The following CCDC7 variants were observed in gnomAD, a reference collection of about 807,000 sequenced individuals.
The protein encoded by CCDC7 is coiled-coil domain containing 7, also known as coiled-coil domain-containing protein 7.
In CCDC7, 183 loss-of-function variants were observed where a neutral mutation model predicts 196.9. The observed-to-expected ratio is 0.93, with a 90% CI of 0.82 to 1.05. The LOEUF is 1.05. CCDC7 is among the 50% of genes least tolerant of loss of function. CCDC7 has a pLI of 0.00. For missense variants in CCDC7, 1,540 were observed against 1,482.2 expected (o/e 1.04, Z -0.64); for synonymous variants, 525 against 484.6 (o/e 1.08, Z -1.10).
chr10:32,474,044 G>T, intron 8 of CCDC7, 21 bp downstream of exon 9: 1 of 1,607,134 alleles, frequency 6.2e-7, no homozygotes, highest in Non-Finnish European at 8.5e-7. Flanking sequence ...ACTCATTAAA[G>T]CATTATTGTG....
downstream of CCDC7, among the ~76,000 whole-genome samples, chr10:32,878,612 G>A (rs1164633913): frequency 6.6e-6 from 1 of 152,070 alleles, no homozygotes; most frequent in Non-Finnish European, 1.5e-5. Context: ...GACTTTGGCT[G>A]CCATCAAAGG....
intron 24 of CCDC7, among the ~76,000 whole-genome samples, chr10:32,706,638 A>T (rs1401713631): frequency 1.3e-5 from 2 of 150,952 alleles, no homozygotes; most frequent in East Asian, 1.9e-4. Context: ...TAAAGGGGAT[A>T]CCACCCATTA....
chr10:32,736,947 A>G (rs571323250), intron 28 of CCDC7, among the ~76,000 whole-genome samples: 4 of 152,082 alleles, frequency 2.6e-5, no homozygotes, highest in East Asian at 1.9e-4. Flanking sequence ...CTTATCTTAG[A>G]AAAAAAAGCA....
chr10:32,500,853 C>G (rs190025402), intron 9 of CCDC7, among the ~76,000 whole-genome samples: 1 of 152,166 alleles, frequency 6.6e-6, no homozygotes, highest in Non-Finnish European at 1.5e-5. Context: ...GAGACCAGCC[C>G]GGCCAACACG....
chr10:32,603,528 GT>G (rs34716123), intron 18 of CCDC7, among the ~76,000 whole-genome samples: 6 of 145,694 alleles, frequency 4.1e-5, no homozygotes, highest in African/African-American at 7.5e-5. Flanking sequence ...CCTCTATAAT[GT>G]TTTTTTTAAT....
chr10:32,735,721 T>A (rs1312524688), intron 28 of CCDC7, among the ~76,000 whole-genome samples: 2 of 152,214 alleles, frequency 1.3e-5, no homozygotes, highest in Non-Finnish European at 2.9e-5. Context: ...TGTGCTTTTG[T>A]TGTATCTAAA....
intron 41 of CCDC7, among the ~76,000 whole-genome samples, chr10:32,857,338 G>C (rs1222055171): frequency 6.6e-6 from 1 of 152,182 alleles, no homozygotes; most frequent in East Asian, 1.9e-4. Flanking sequence ...TTTTTTTCTA[G>C]TGCATATGGA....
intron 23 of CCDC7, among the ~76,000 whole-genome samples, chr10:32,693,419 T>C (rs956583629): frequency 6.6e-6 from 1 of 152,198 alleles, no homozygotes; most frequent in Non-Finnish European, 1.5e-5. Flanking sequence ...CATTTCTTCA[T>C]CTTCCTTCCC....
intron 18 of CCDC7, among the ~76,000 whole-genome samples, chr10:32,621,584 T>G (rs1252561243): frequency 6.6e-6 from 1 of 152,132 alleles, no homozygotes; most frequent in African/African-American, 2.4e-5. Context: ...AAGGCCATAG[T>G]GTAATTCAGT....
intron 30 of CCDC7, among the ~76,000 whole-genome samples, chr10:32,810,509 A>G (rs1449358585): frequency 6.6e-6 from 1 of 152,170 alleles, no homozygotes; most frequent in Non-Finnish European, 1.5e-5. Context: ...TGAAGCATCC[A>G]GATATATAAA....
intron 27 of CCDC7, 73 bp from the exon 29 acceptor site, chr10:32,729,259 C>T (rs1448909066): frequency 7.3e-7 from 1 of 1,372,772 alleles, no homozygotes; most frequent in African/African-American, 1.5e-5. Context: ...CATTTTACTT[C>T]CATGGGTTGA....
intron 20 of CCDC7, among the ~76,000 whole-genome samples, chr10:32,642,197 G>A (rs937655063): frequency 5.3e-5 from 8 of 152,306 alleles, no homozygotes; most frequent in Middle Eastern, 3.4e-3. Flanking sequence ...GGACATTTAA[G>A]TCTGCAGAGG....
intron 32 of CCDC7, among the ~76,000 whole-genome samples, chr10:32,830,606 A>T (rs1264973012): frequency 6.6e-6 from 1 of 152,188 alleles, no homozygotes; most frequent in Admixed American, 6.6e-5. Flanking sequence ...AAGTATTTTG[A>T]TTTACGATTG....
chr10:32,570,555 G>A (rs918101701), intron 15 of CCDC7, among the ~76,000 whole-genome samples: 1 of 152,220 alleles, frequency 6.6e-6, no homozygotes, highest in African/African-American at 2.4e-5. Flanking sequence ...GTGGTAGGGA[G>A]TTCTGCTCCA....
At chr10:32,626,162 T>C (rs900135318) in intron 18 of CCDC7, among the ~76,000 whole-genome samples, 4 of 152,110 alleles carry the variant, frequency 2.6e-5, no homozygotes, top group Admixed American at 6.6e-5. Context: ...TAATAGTTGA[T>C]GTACTAGTTT....
In CCDC7 at chr10:32,834,970, T is replaced by C; in HGVS notation, c.3352+72T>C. ...TCTGAAGTTAAATATGGATCTTTGA[T>C]GACAACTGTAGCTGTAAGTTATTAC... On this transcript the variant is annotated intron_variant, in intron 33 of 41. Transcript: ENST00000639629. 6.5e-6 allele frequency: 4 copies of C among 612,442 alleles called. No homozygotes were observed. The East Asian group carries it at 9.0e-5, about 14-fold the overall frequency. The allele number at this position is 612,442 out of a possible 1,614,324, so 37.9% of individuals were successfully genotyped here. A position where few individuals can be genotyped will look rare whatever the true frequency, so the allele number is the denominator to read the frequency against.
rs867536092 is a variant in CCDC7, at chr10:32,846,842, A to C, written c.3688+383A>C. ...GATGACAAGAGGAGTATAACACATA[A>C]TTATTTCACTGGTTATCCATTCCTT... On this transcript the variant is annotated intron_variant, in intron 37 of 41. Transcript: ENST00000639629. Among the ~76,000 whole-genome samples the C allele has an allele frequency of 2.0e-5, 3 of 152,330 alleles. No homozygotes were observed. In the South Asian group the frequency reaches 6.2e-4, roughly 32 times the overall value.
chr10:32,486,935 C>T (rs2041223923), intron 8 of CCDC7, among the ~76,000 whole-genome samples: 1 of 152,020 alleles, frequency 6.6e-6, no homozygotes, highest in Non-Finnish European at 1.5e-5. Flanking sequence ...TTTTATCCTT[C>T]ATTTCAACTT....
chr10:32,685,759 A>T (rs1208458193), intron 21 of CCDC7, among the ~76,000 whole-genome samples: 1 of 152,198 alleles, frequency 6.6e-6, no homozygotes, highest in Non-Finnish European at 1.5e-5. Context: ...TGATTCCTAG[A>T]AATGTTTATA....
Sources: allele counts gnomAD v4.1 joint callset (sites outside exome capture counted in the v4.1 genomes callset), GRCh38; gene constraint gnomAD v4.1.1; transcripts MANE v1.5; gene names NCBI Gene and HGNC (gene_info 2026-07-23, HGNC 2026-07-21).